Variants in KCNK3 observed in about 807,000 individuals in gnomAD.
KCNK3 encodes the protein potassium channel subfamily K member 3.
In KCNK3, 9 loss-of-function variants were observed where a neutral mutation model predicts 27.3. The observed-to-expected ratio is 0.33, with a 90% CI of 0.20 to 0.57. The LOEUF is 0.57. Ranked by LOEUF, KCNK3 falls within the 20% of genes least tolerant of loss-of-function variation. KCNK3 has a pLI of 0.87. For missense variants in KCNK3, 391 were observed against 577.7 expected, an observed-to-expected ratio of 0.68 and a Z score of 3.31; for synonymous variants, 278 against 273.8, an observed-to-expected ratio of 1.02 and a Z score of -0.15.
intron 1 of KCNK3, among the ~76,000 whole-genome samples, chr2:26,706,807 C>T (rs910056424): frequency 6.6e-6 from 1 of 152,106 alleles, no homozygotes; most frequent in African/African-American, 2.4e-5. Context: ...GCAGCTGTGA[C>T]GGGCCAAGGA....
chr2:26,728,316 G>C lies in KCNK3; in HGVS notation c.933G>C (p.Ser311=). The change falls in exon 2 of 2, where the codon TCG becomes TCC. Residue 311 remains serine, a synonymous_variant. Transcript: ENST00000302909. ...TGCTGCACTTCCAGTCCATGTGCTC[G>C]TGCCTGTGGTACAAGAGCCGCGAGA... ...AEVLHFQSMC[S]CLWYKSREKL... 1 of 1,602,754 alleles carries C rather than the reference G, an allele frequency of 6.2e-7. No individual in the cohort carries two copies. Among genetic ancestry groups the C allele is most frequent in the Non-Finnish European group, 8.5e-7 (1 of 1,174,920 alleles).
intron 1 of KCNK3, among the ~76,000 whole-genome samples, chr2:26,707,119 G>A (rs1363717480): frequency 6.6e-6 from 1 of 152,170 alleles, no homozygotes; most frequent in Non-Finnish European, 1.5e-5. Context: ...GGACCTCCAA[G>A]TCACCCCTTG....
intron 1 of KCNK3, among the ~76,000 whole-genome samples, chr2:26,717,058 A>G (rs973630062): frequency 2.0e-5 from 3 of 152,200 alleles, no homozygotes; most frequent in African/African-American, 7.2e-5. Flanking sequence ...ACAGACTCAT[A>G]AAGCCTAAAG....
At chr2:26,724,215 G>A (rs748384623) in intron 1 of KCNK3, among the ~76,000 whole-genome samples, 28 of 152,242 alleles carry the variant, frequency 1.8e-4, no homozygotes, top group Admixed American at 1.2e-3. Flanking sequence ...CAATGGGACA[G>A]GCAATGGGGT....
At chr2:26,703,989 T>C (rs75491817) in intron 1 of KCNK3, among the ~76,000 whole-genome samples, 4,451 of 152,156 alleles carry the variant, frequency 0.029, 239 homozygotes, top group African/African-American at 0.1. Flanking sequence ...AGACAGAGGA[T>C]AGGCCCGATC....
chr2:26,726,824 A>G (rs1461663230), intron 1 of KCNK3, among the ~76,000 whole-genome samples: 1 of 152,172 alleles, frequency 6.6e-6, no homozygotes. Flanking sequence ...GGCTGATGAT[A>G]GTAACACACC....
intron 1 of KCNK3, among the ~76,000 whole-genome samples, chr2:26,715,294 T>C (rs932333170): frequency 1.3e-5 from 2 of 152,222 alleles, no homozygotes; most frequent in Non-Finnish European, 2.9e-5. Context: ...CTTACTACAG[T>C]GTACAGCGTC....
chr2:26,731,675 C>T lies in KCNK3; in HGVS notation c.*3107C>T, dbSNP rs1663544285. On this transcript the variant is annotated 3_prime_UTR_variant, in exon 2 of 2. Coordinates refer to ENST00000302909, the MANE Select transcript of KCNK3 (RefSeq NM_002246.3). ...ACACTGGCTTCCCTTTTGGGATTTC[C>T]CAGAAGATCCAGATTTTCTTAAGTC... 1 of 152,248 alleles carries T rather than the reference C, an allele frequency of 6.6e-6. No homozygotes were observed. The highest frequency in any genetic ancestry group is 2.4e-5 in the African/African-American group (1 of 41,468). The allele number at this position is 152,248 out of a possible 1,614,324, so 9.4% of individuals were successfully genotyped here.
intron 1 of KCNK3, among the ~76,000 whole-genome samples, chr2:26,709,347 A>T (rs1558598406): frequency 1.3e-5 from 2 of 152,144 alleles, no homozygotes. Context: ...TGGCAAGAAG[A>T]GCAGAGCGCC....
chr2:26,692,975 G>T lies in KCNK3; in HGVS notation c.100G>T (p.Glu34Ter). ...AVFDALESEP[E>*]LIERQRLELR... is the part of the protein sequence containing the mutation. ...CTTCGACGCGCTGGAGTCGGAGCCCGAGCTGATCGAGCGGCAGCGGCTGGA... is the reference window on the plus strand; with the variant it reads ...CTTCGACGCGCTGGAGTCGGAGCCCTAGCTGATCGAGCGGCAGCGGCTGGA... Residue 34 changes from glutamate to a stop codon, truncating the protein, a stop_gained, in exon 1 of 2, where the codon GAG (glutamate) becomes TAG (stop). Transcript: ENST00000302909. LOFTEE classifies it high-confidence loss of function. This position sits in a 1 kb window ranked among gnomAD's most constrained non-coding sequence, Gnocchi z 5.6. The T allele has an allele frequency of 6.4e-7, 1 of 1,571,132 alleles. No homozygotes were observed. The highest frequency in any genetic ancestry group is 8.6e-7 in the Non-Finnish European group (1 of 1,162,898).
Position 26,697,314 on chromosome 2 carries a change from G to A in KCNK3, c.283+4156G>A, listed in dbSNP as rs142664957. ...GAGGCCAGGAGGTCCAGACCAGCCCGGACAACATGGCAAAACCCAGTCTCT... is the reference window on the plus strand; with the variant it reads ...GAGGCCAGGAGGTCCAGACCAGCCCAGACAACATGGCAAAACCCAGTCTCT... On this transcript the variant is annotated intron_variant, in intron 1 of 1. Coordinates refer to ENST00000302909, the MANE Select transcript of KCNK3 (RefSeq NM_002246.3). Among the ~76,000 whole-genome samples the A allele has an allele frequency of 3.0e-4, 45 of 152,218 alleles. 1 individual carries two copies. In the East Asian group the frequency reaches 7.9e-3, roughly 27 times the overall value.
chr2:26,706,284 G>A (rs1159638619), intron 1 of KCNK3, among the ~76,000 whole-genome samples: 2 of 151,814 alleles, frequency 1.3e-5, no homozygotes, highest in South Asian at 4.2e-4. Context: ...AGAGAAGGTC[G>A]TTTCCCCTCC....
chr2:26,715,268 G>A (rs1572610151), intron 1 of KCNK3, among the ~76,000 whole-genome samples: 1 of 152,228 alleles, frequency 6.6e-6, no homozygotes, highest in African/African-American at 2.4e-5. Flanking sequence ...CTAAATAAAC[G>A]AATGCGCAGA....
At chr2:26,714,732 A>G (rs1031907589) in intron 1 of KCNK3, among the ~76,000 whole-genome samples, 10 of 151,924 alleles carry the variant, frequency 6.6e-5, no homozygotes, top group African/African-American at 2.4e-4. Context: ...CTAAAAATAC[A>G]AAAATTAGCC....
intron 1 of KCNK3, among the ~76,000 whole-genome samples, chr2:26,716,271 G>A (rs1024714887): frequency 2.0e-5 from 3 of 152,176 alleles, no homozygotes; most frequent in Non-Finnish European, 2.9e-5. Flanking sequence ...AGGAATAATA[G>A]CACCTCCTCT....
At chr2:26,714,384 G>A (rs150163711) in intron 1 of KCNK3, among the ~76,000 whole-genome samples, 3 of 150,882 alleles carry the variant, frequency 2.0e-5, no homozygotes, top group African/African-American at 7.3e-5. Context: ...ACACCACCCC[G>A]CCCAGTGAGC....
At chr2:26,726,540 T>C (rs1405354063) in intron 1 of KCNK3, among the ~76,000 whole-genome samples, 2 of 152,132 alleles carry the variant, frequency 1.3e-5, no homozygotes, top group African/African-American at 4.8e-5. Context: ...GTAGTAAATA[T>C]ATCAACAATA....
intron 1 of KCNK3, among the ~76,000 whole-genome samples, chr2:26,718,912 T>C (rs1250131765): frequency 6.6e-6 from 1 of 152,148 alleles, no homozygotes; most frequent in Non-Finnish European, 1.5e-5. Context: ...CCAGCCACAT[T>C]TTTCATATTT....
At chr2:26,696,462 G>A (rs969064571) in intron 1 of KCNK3, among the ~76,000 whole-genome samples, 25 of 152,192 alleles carry the variant, frequency 1.6e-4, no homozygotes, top group Admixed American at 1.3e-3. Flanking sequence ...CAGCCAAGCC[G>A]TGCTTAGTGA....
Sources: allele counts gnomAD v4.1 joint callset (sites outside exome capture counted in the v4.1 genomes callset), GRCh38; gene constraint gnomAD v4.1.1; non-coding constraint Gnocchi (gnomAD v3.1); transcripts MANE v1.5; gene names NCBI Gene and HGNC (gene_info 2026-07-23, HGNC 2026-07-21).